Variants in KMT5C observed in about 807,000 individuals in gnomAD.
KMT5C encodes the protein lysine methyltransferase 5C, also known as histone-lysine N-methyltransferase KMT5C.
Under a neutral mutation model 38.2 loss-of-function variants are expected in KMT5C, and 16 were observed. The ratio of observed to expected loss-of-function variants is 0.42; its 90% CI spans 0.28 to 0.64. KMT5C has a LOEUF of 0.64. Among genes scored for constraint, KMT5C ranks in the 30% least tolerant of loss-of-function variants. The pLI is 0.23. For missense variants in KMT5C, 598 were observed against 665.1 expected, an observed-to-expected ratio of 0.90 and a Z score of 1.11; for synonymous variants, 291 against 279.0, an observed-to-expected ratio of 1.04 and a Z score of -0.43.
In KMT5C at chr19:55,342,347, G is replaced by A; in HGVS notation, c.243G>A (p.Arg81=). The change falls in exon 3 of 9, where the codon CGG becomes CGA. Residue 81 remains arginine, a synonymous_variant. Transcript: ENST00000255613. Reference sequence around the variant, plus strand: ...GGACGGCCCGCTACTTCCAGAGCCGGGGCCCGCGGCAGGAGGCTGCCCTCA... The same window carrying A: ...GGACGGCCCGCTACTTCCAGAGCCGAGGCCCGCGGCAGGAGGCTGCCCTCA... ...GGWTARYFQS[R]GPRQEAALKT... 1 of 1,548,410 alleles carries A rather than the reference G, an allele frequency of 6.5e-7. No homozygotes were observed. The highest frequency in any genetic ancestry group is 8.7e-7 in the Non-Finnish European group (1 of 1,147,552).
chr19:55,341,688 TGGCTGACA>T (rs2089558977), intron 1 of KMT5C, 98 bp from the exon 2 acceptor site: 1 of 552,020 alleles, frequency 1.8e-6, no homozygotes, highest in Non-Finnish European at 3.3e-6. Context: ...GCTAAGGCGA[TGGCTGACA>T]TGGCTCTGGG....
intron 1 of KMT5C, 117 bp downstream of exon 1, chr19:55,340,074 C>A (rs1032327113): frequency 6.6e-6 from 1 of 151,600 alleles, no homozygotes; most frequent in African/African-American, 2.4e-5. Flanking sequence ...GGCCCCTCCT[C>A]GTGTCCAGGC....
chr19:55,341,658 G>C, intron 1 of KMT5C, 136 bp from the exon 2 acceptor site: 1 of 491,600 alleles, frequency 2.0e-6, no homozygotes, highest in Admixed American at 3.5e-5. Context: ...CTGTGTCTGC[G>C]CTGCGGAGCA....
rs1180846499 is a variant in KMT5C, at chr19:55,346,938, C to T, written c.896-18C>T. 3.5e-6 allele frequency: 3 copies of T among 861,322 alleles called. No homozygotes were observed. Among genetic ancestry groups the T allele is most frequent in the Admixed American group, 1.8e-5 (1 of 54,626 alleles). 53.4% of individuals were successfully genotyped at this position (861,322 alleles called of 1,614,324 possible). A position where few individuals can be genotyped will look rare whatever the true frequency, so the allele number is the denominator to read the frequency against. ...CTCTCCTTTGTTCCTCCTCTCCCTG[C>T]CACCTGGGCCTTCACAGCCGCCTGC... On this transcript the variant is annotated intron_variant, in intron 8 of 8. Coordinates refer to ENST00000255613, the MANE Select transcript of KMT5C (RefSeq NM_032701.4).
Position 55,343,917 on chromosome 19 carries a change from C to G in KMT5C, c.551-61C>G, listed in dbSNP as rs1189199089. On this transcript the variant is annotated intron_variant, in intron 5 of 8. Coordinates refer to ENST00000255613, the MANE Select transcript of KMT5C (RefSeq NM_032701.4). This position sits in a 1 kb window ranked among gnomAD's most constrained non-coding sequence, Gnocchi z 5.5. ...GCTGGAGGGGTGTAGTGGGAGGGTT[C>G]TGCGACTGAGCTGCCGAGCTCATCT... is the stretch of plus-strand genomic sequence containing the variant. 3 of 1,607,536 alleles carry G rather than the reference C, an allele frequency of 1.9e-6. No individual in the cohort carries two copies. The African/African-American group carries it at 4.0e-5, about 22-fold the overall frequency.
chr19:55,344,179 G>T (rs557179466), intron 6 of KMT5C, 182 bp downstream of exon 6: 43 of 578,640 alleles, frequency 7.4e-5, no homozygotes, highest in Non-Finnish European at 1.3e-4. Flanking sequence ...TGGAGACCAC[G>T]GTGAAACCCC....
At chr19:55,340,550 C>T (rs2089545440) in intron 1 of KMT5C, among the ~76,000 whole-genome samples, 1 of 151,948 alleles carries the variant, frequency 6.6e-6, no homozygotes, top group South Asian at 2.1e-4. Flanking sequence ...TACCCAGGCG[C>T]CTCCCTGGGT....
Position 55,346,235 on chromosome 19 carries a change from C to A in KMT5C, c.593C>A (p.Ala198Glu), listed in dbSNP as rs1569021949. The A allele has an allele frequency of 6.2e-7, 1 of 1,613,988 alleles. No homozygotes were observed. Among genetic ancestry groups the A allele is most frequent in the Non-Finnish European group, 8.5e-7 (1 of 1,179,962 alleles). The change falls in exon 7 of 9, where the codon GCA becomes GAA. Residue 198 changes from alanine (A) to glutamate (E), a missense_variant. Transcript: ENST00000255613. ...NCKFVPADGN[A>E]ACVKVLRDIE... ...CAGTTTGTGCCTGCAGATGGGAACG[C>A]AGCCTGCGTGAAGGTGCTCCGGGAC...
intron 1 of KMT5C, chr19:55,341,561 T>G (rs1600260667): frequency 4.1e-6 from 1 of 243,840 alleles, no homozygotes. Context: ...GTGTAGGGGG[T>G]CTCTGTACAT....
chr19:55,345,070 G>A (rs1382102254), intron 6 of KMT5C: 12 of 455,926 alleles, frequency 2.6e-5, no homozygotes, highest in Admixed American at 1.6e-4. Flanking sequence ...AACAAAAGGC[G>A]GCATTCGGAG....
In KMT5C at chr19:55,347,442, A is replaced by G. The variant is rs755798598; in HGVS notation, c.1382A>G (p.Glu461Gly). 4 of 1,535,410 alleles carry G rather than the reference A, an allele frequency of 2.6e-6. No homozygotes were observed. In the South Asian group the frequency reaches 3.7e-5, roughly 14 times the overall value. ...GSIDLDVGGEEL is the reference protein window; with the variant it reads ...GSIDLDVGGEGL Reference sequence around the variant, plus strand: ...ATCGACCTGGATGTCGGCGGTGAAGAGCTGTGACAGGCCGGACGGGGAGGC... The same window carrying G: ...ATCGACCTGGATGTCGGCGGTGAAGGGCTGTGACAGGCCGGACGGGGAGGC... Residue 461 changes from glutamate (E) to glycine (G), a missense_variant, in exon 9 of 9, where the codon GAG becomes GGG. Physicochemically the swap from Glu to Gly is moderately conservative, Grantham distance 98. Around this residue, in one of 3 missense-constraint regions of KMT5C, gnomAD observed 326 missense variants for 298.1 expected, o/e 1.09. Transcript: ENST00000255613. The surrounding 1 kb of genome is among the most constrained non-coding windows in gnomAD (Gnocchi z 4.6).
chr19:55,346,435 T>C (rs922343220), intron 7 of KMT5C, 65 bp from the exon 8 acceptor site: 27 of 1,605,002 alleles, frequency 1.7e-5, no homozygotes, highest in Middle Eastern at 3.3e-4. Flanking sequence ...TCCCTGAGTG[T>C]GTCCAACCCC....
intron 3 of KMT5C, 169 bp from the exon 4 acceptor site, chr19:55,342,573 T>C: frequency 1.6e-6 from 1 of 631,774 alleles, no homozygotes; most frequent in East Asian, 2.7e-5. Context: ...CTCTGAGATG[T>C]AGTCCAACCT....
At chr19:55,342,912 A>G (rs1168885932) in intron 4 of KMT5C, 61 bp downstream of exon 4, 6 of 1,063,972 alleles carry the variant, frequency 5.6e-6, no homozygotes, top group Non-Finnish European at 8.8e-6. Context: ...AGGGGACAAG[A>G]GAGACCCTCT....
At chr19:55,344,092 C>T (rs369371428) in intron 6 of KMT5C, 95 bp downstream of exon 6, 94 of 1,367,782 alleles carry the variant, frequency 6.9e-5, no homozygotes, top group Admixed American at 4.5e-4. Flanking sequence ...AGCCAAACAC[C>T]GGCCGGGCGC....
rs1488764008 is a variant in KMT5C at position 55,347,312 on chromosome 19, G to A, written c.1252G>A (p.Ala418Thr). The A allele has an allele frequency of 6.4e-7, 1 of 1,573,388 alleles. No individual in the cohort carries two copies. Among genetic ancestry groups the A allele is most frequent in the Admixed American group, 1.8e-5 (1 of 54,574 alleles). ...RLAPAPPATP[A>T]PAGTPGPILI... is the part of the protein sequence containing the mutation. ...GGCCCCAGCCCCACCAGCTACCCCA[G>A]CCCCTGCTGGGACCCCAGGCCCCAT... Residue 418 changes from alanine to threonine, a missense_variant, in exon 9 of 9, where the codon GCC becomes ACC. Coordinates refer to ENST00000255613, the MANE Select transcript of KMT5C (RefSeq NM_032701.4). This position sits in a 1 kb window ranked among gnomAD's most constrained non-coding sequence, Gnocchi z 4.6.
At chr19:55,345,208 CTAGGT>C in intron 6 of KMT5C, 2 of 382,096 alleles carry the variant, frequency 5.2e-6, no homozygotes, top group South Asian at 3.9e-5. Context: ...TAGAATTTCC[CTAGGT>C]GTTAAAGGAA....
At chr19:55,344,046 C>T in intron 6 of KMT5C, 49 bp downstream of exon 6, 1 of 1,591,908 alleles carries the variant, frequency 6.3e-7, no homozygotes, top group Non-Finnish European at 8.6e-7. Context: ...AGAAAGGGTG[C>T]CTGTGGCCTG....
rs2089642566 is a variant in KMT5C at position 55,348,060 on chromosome 19, T to A, written c.*611T>A. ...TCCCCTCCCCCACACCAGAAAGGGG[T>A]ATGTTGGGGGCTTGGAAGCACTTGA... is the stretch of plus-strand genomic sequence containing the variant. On this transcript the variant is annotated 3_prime_UTR_variant, in exon 9 of 9. Transcript: ENST00000255613. 6.5e-6 allele frequency: 1 copy of A among 152,702 alleles called. No homozygotes were observed. Among genetic ancestry groups the A allele is most frequent in the African/African-American group, 2.4e-5 (1 of 41,422 alleles). The allele number at this position is 152,702 out of a possible 1,614,324, so 9.5% of individuals were successfully genotyped here.
Sources: gnomAD v4.1 joint callset for allele counts (sites outside exome capture counted in the v4.1 genomes callset) on GRCh38, gnomAD v4.1.1 for gene constraint, gnomAD v4.1.1 regional missense constraint, Gnocchi (gnomAD v3.1) non-coding constraint, MANE v1.5 for transcripts, NCBI Gene and HGNC (gene_info 2026-07-23, HGNC 2026-07-21) for gene names.